Variants in CROT observed in about 807,000 individuals in gnomAD.
CROT encodes peroxisomal carnitine O-octanoyltransferase.
In CROT, 84 loss-of-function variants were observed where a neutral mutation model predicts 89.2. That is an observed-to-expected ratio of 0.94 (90% CI 0.79 to 1.13). CROT has a LOEUF of 1.13. Among genes scored for constraint, CROT ranks in the 50% most tolerant of loss-of-function variants. The pLI, the probability that CROT is intolerant of heterozygous loss-of-function variation, is 0.00. For missense variants in CROT, 711 were observed against 727.8 expected, an observed-to-expected ratio of 0.98 and a Z score of 0.27; for synonymous variants, 212 against 239.5, an observed-to-expected ratio of 0.89 and a Z score of 1.06.
chr7:87,374,037 C>T (rs763875442), intron 7 of CROT, among the ~76,000 whole-genome samples: 4 of 151,828 alleles, frequency 2.6e-5, no homozygotes, highest in Admixed American at 6.6e-5. Flanking sequence ...GAACAAAAAT[C>T]GAGGACAGTA....
At chr7:87,354,927 T>G (rs1449529649) in intron 3 of CROT, among the ~76,000 whole-genome samples, 1 of 152,166 alleles carries the variant, frequency 6.6e-6, no homozygotes, top group African/African-American at 2.4e-5. Context: ...CCTTCACAAA[T>G]CTTATCATGA....
Position 87,361,436 on chromosome 7 carries a change from C to T in CROT, c.287C>T (p.Pro96Leu). Residue 96 changes from proline to leucine, a missense_variant, in exon 5 of 18, where the codon CCA (proline) becomes CTA (leucine). Pro to Leu is a moderately conservative substitution (Grantham distance 98). Transcript: ENST00000331536. ...LNVAYLDVRIPSQLNVNFAGP... is the reference protein window; with the variant it reads ...LNVAYLDVRILSQLNVNFAGP... ...GTTGCCTATCTGGATGTTCGTATAC[C>T]ATCACAATTGAATGTCAACTTTGCG... 6.2e-7 allele frequency: 1 copy of T among 1,613,768 alleles called. No homozygotes were observed. The highest frequency in any genetic ancestry group is 8.5e-7 in the Non-Finnish European group (1 of 1,179,908).
intron 3 of CROT, among the ~76,000 whole-genome samples, chr7:87,356,293 A>C (rs1218528498): frequency 2.0e-5 from 3 of 152,098 alleles, no homozygotes; most frequent in African/African-American, 7.2e-5. Context: ...CATAGACCAA[A>C]ATTTTGGGTA....
intron 7 of CROT, among the ~76,000 whole-genome samples, chr7:87,372,293 A>C (rs1179339179): frequency 6.6e-6 from 1 of 152,214 alleles, no homozygotes; most frequent in African/African-American, 2.4e-5. Flanking sequence ...ACTTGAAACA[A>C]ATTTTGGAAA....
intron 3 of CROT, among the ~76,000 whole-genome samples, chr7:87,356,883 G>T (rs377297833): frequency 6.6e-6 from 1 of 152,146 alleles, no homozygotes; most frequent in Non-Finnish European, 1.5e-5. Flanking sequence ...TTAGCTGGGC[G>T]TGGTGGTGGG....
chr7:87,398,431 A>G (rs1432702584), intron 17 of CROT, 93 bp from the exon 18 acceptor site: 1 of 1,434,104 alleles, frequency 7.0e-7, no homozygotes, highest in Non-Finnish European at 9.7e-7. Flanking sequence ...CATTTCATGT[A>G]TGAATATCCA....
intron 3 of CROT, among the ~76,000 whole-genome samples, chr7:87,357,911 T>G (rs920823180): frequency 6.6e-6 from 1 of 152,208 alleles, no homozygotes; most frequent in Admixed American, 6.5e-5. Context: ...TTCTGCTGTT[T>G]AGGAGTGTGT....
intron 3 of CROT, among the ~76,000 whole-genome samples, chr7:87,355,130 C>T (rs570209663): frequency 3.2e-4 from 48 of 151,002 alleles, no homozygotes; most frequent in South Asian, 1.9e-3. Context: ...GATAGGGCCT[C>T]GCTCTCTTGC....
At chr7:87,362,335 G>A (rs1425871578) in intron 6 of CROT, among the ~76,000 whole-genome samples, 1 of 147,806 alleles carries the variant, frequency 6.8e-6, no homozygotes, top group East Asian at 2.0e-4. Flanking sequence ...TTTGAGACAG[G>A]GTCTCACTCT....
At chr7:87,388,671 C>G (rs1211855089) in intron 13 of CROT, among the ~76,000 whole-genome samples, 1 of 152,158 alleles carries the variant, frequency 6.6e-6, no homozygotes, top group Admixed American at 6.6e-5. Context: ...CCCATAAAAA[C>G]TCTAGAAGAA....
chr7:87,350,804 T>G (rs1805842005), intron 3 of CROT, among the ~76,000 whole-genome samples: 1 of 152,202 alleles, frequency 6.6e-6, no homozygotes, highest in Admixed American at 6.5e-5. Context: ...AGCCTGGAAG[T>G]GGCTGGTGTC....
intron 12 of CROT, 49 bp from the exon 13 acceptor site, chr7:87,382,364 A>G: frequency 6.3e-7 from 1 of 1,589,524 alleles, no homozygotes; most frequent in African/African-American, 1.4e-5. Flanking sequence ...TCTTTGGTGT[A>G]TTCTCCTTAG....
At chr7:87,368,500 G>A (rs2115877957) in intron 6 of CROT, among the ~76,000 whole-genome samples, 1 of 152,210 alleles carries the variant, frequency 6.6e-6, no homozygotes, top group Middle Eastern at 3.4e-3. Flanking sequence ...CATCCCCTAG[G>A]TCTTGAGGAA....
intron 3 of CROT, among the ~76,000 whole-genome samples, chr7:87,355,246 T>C (rs1806025037): frequency 1.3e-5 from 2 of 151,894 alleles, no homozygotes. Flanking sequence ...ATTATAGACA[T>C]GTACCACCAC....
intron 4 of CROT, among the ~76,000 whole-genome samples, chr7:87,360,335 T>C (rs1806228265): frequency 6.6e-6 from 1 of 152,184 alleles, no homozygotes; most frequent in Non-Finnish European, 1.5e-5. Flanking sequence ...CTTTTATTTA[T>C]TTGTTTTATT....
At chr7:87,349,218 A>C (rs1260427620) in intron 3 of CROT, 35 bp downstream of exon 3, 16 of 1,044,614 alleles carry the variant, frequency 1.5e-5, no homozygotes, top group Non-Finnish European at 2.2e-5. Flanking sequence ...TATTAATATT[A>C]TTAGTAACTT....
chr7:87,387,777 C>T (rs1409450856), intron 13 of CROT, among the ~76,000 whole-genome samples: 1 of 152,222 alleles, frequency 6.6e-6, no homozygotes. Context: ...CATGGTAAAA[C>T]CCCATCTCTA....
intron 10 of CROT, among the ~76,000 whole-genome samples, chr7:87,380,425 T>C (rs964238660): frequency 6.6e-6 from 1 of 152,274 alleles, no homozygotes; most frequent in African/African-American, 2.4e-5. Context: ...ATAAAAATCA[T>C]TTTTCACAGC....
intron 7 of CROT, among the ~76,000 whole-genome samples, chr7:87,373,106 A>G (rs1710236296): frequency 6.6e-6 from 1 of 151,964 alleles, no homozygotes; most frequent in African/African-American, 2.4e-5. Context: ...CCACATCTTC[A>G]CCAACACTTA....
Sources: gnomAD v4.1 joint callset for allele counts (sites outside exome capture counted in the v4.1 genomes callset) on GRCh38, gnomAD v4.1.1 for gene constraint, MANE v1.5 for transcripts, NCBI Gene and HGNC (gene_info 2026-07-23, HGNC 2026-07-21) for gene names.